The following TOX2 variants were observed in gnomAD, a reference collection of about 807,000 sequenced individuals.
The protein encoded by TOX2 is granulosa cell HMG box 1.
A neutral mutation model predicts 47.4 loss-of-function variants in TOX2; 15 were observed. The ratio of observed to expected loss-of-function variants is 0.32; its 90% CI spans 0.21 to 0.49. The LOEUF is 0.49. Among genes scored for constraint, TOX2 ranks in the 20% least tolerant of loss-of-function variants. The probability of loss-of-function intolerance (pLI) is 0.99; values close to 1 mark genes in which losing one functional copy is unlikely to be tolerated. For synonymous variants in TOX2, 290 were observed against 296.6 expected, an observed-to-expected ratio of 0.98 and a Z score of 0.23; for missense variants, 622 against 673.1, an observed-to-expected ratio of 0.92 and a Z score of 0.84.
At position 43,981,295 on chromosome 20, in the gene TOX2, T is replaced by C. The variant is rs530564287; in HGVS notation, c.165+7863T>C. Among the ~76,000 whole-genome samples the C allele has an allele frequency of 1.4e-4, 22 of 152,346 alleles. No individual in the cohort carries two copies. The South Asian group carries it at 4.6e-3, about 32-fold the overall frequency. On this transcript the variant is annotated intron_variant, in intron 2 of 8. Coordinates refer to ENST00000341197, the MANE Select transcript of TOX2 (RefSeq NM_001098797.2). ...CCAGCAATTCGTTTTTTTGGAAATA[T>C]GCCCTACAGATATATTTGTACATAT...
intron 1 of TOX2, among the ~76,000 whole-genome samples, chr20:43,951,114 C>T (rs1367554850): frequency 6.6e-6 from 1 of 152,070 alleles, no homozygotes; most frequent in African/African-American, 2.4e-5. Flanking sequence ...CTGTCTGGGG[C>T]CAGAGAAGGG....
At chr20:44,027,558 A>C (rs925169995) in intron 3 of TOX2, among the ~76,000 whole-genome samples, 4 of 152,228 alleles carry the variant, frequency 2.6e-5, no homozygotes, top group African/African-American at 9.6e-5. Flanking sequence ...GGGGGCAGCC[A>C]GTGGGAACTT....
At chr20:43,969,706 C>T (rs2069928865) in intron 1 of TOX2, among the ~76,000 whole-genome samples, 1 of 152,232 alleles carries the variant, frequency 6.6e-6, no homozygotes, top group Non-Finnish European at 1.5e-5. Flanking sequence ...GTTCTGAGCC[C>T]AGCAGGCTCC....
At chr20:44,013,501 C>T (rs1157924712) in intron 3 of TOX2, among the ~76,000 whole-genome samples, 1 of 152,230 alleles carries the variant, frequency 6.6e-6, no homozygotes, top group African/African-American at 2.4e-5. Context: ...CAGTAGGGAC[C>T]CCCTAGTCCA....
chr20:44,042,951 G>A (rs948813045), intron 3 of TOX2, among the ~76,000 whole-genome samples: 1 of 152,172 alleles, frequency 6.6e-6, no homozygotes, highest in East Asian at 1.9e-4. Flanking sequence ...AGAAGTCAGG[G>A]TTTCTGTTCA....
rs185212279 is a variant in TOX2 at position 43,966,488 on chromosome 20, T to A, written c.100-6879T>A. Among the ~76,000 whole-genome samples, 6 of 152,236 alleles carry A rather than the reference T, an allele frequency of 3.9e-5. No individual in the cohort carries two copies. In the East Asian group the frequency reaches 1.2e-3, roughly 29 times the overall value. On this transcript the variant is annotated intron_variant, in intron 1 of 8. Transcript: ENST00000341197. ...GAGTGGGGGCACTTGCTGGGTGTGGTGGCTCATGCCTGTAATCCCAGCACT... is the reference window on the plus strand; with the variant it reads ...GAGTGGGGGCACTTGCTGGGTGTGGAGGCTCATGCCTGTAATCCCAGCACT...
At position 44,006,741 on chromosome 20, in the gene TOX2, G is replaced by A; in HGVS notation, c.360G>A (p.Val120=). ...CCATGGACCTCCCAGCCATCATGGT[G>A]TCCAACATGCTAGCACAGGACAGCC... ...YQAMDLPAIM[V]SNMLAQDSHL... The change falls in exon 3 of 9, where the codon GTG becomes GTA. Residue 120 remains valine, a synonymous_variant. Transcript: ENST00000341197. 1 of 1,614,058 alleles carries A rather than the reference G, an allele frequency of 6.2e-7. No individual in the cohort carries two copies. Among genetic ancestry groups the A allele is most frequent in the Admixed American group, 1.7e-5 (1 of 60,024 alleles).
chr20:44,068,717 T>C lies in TOX2; in HGVS notation c.*31T>C. 6.2e-7 allele frequency: 1 copy of C among 1,613,772 alleles called. No individual in the cohort carries two copies. The highest frequency in any genetic ancestry group is 1.3e-5 in the African/African-American group (1 of 75,006). On this transcript the variant is annotated 3_prime_UTR_variant, in exon 9 of 9. Transcript: ENST00000341197. ...CCTCCCTACCATCCCTGAGGCTCGCTGGAAGGCACTGCTCAGAGCCTGAAG... is the reference window on the plus strand; with the variant it reads ...CCTCCCTACCATCCCTGAGGCTCGCCGGAAGGCACTGCTCAGAGCCTGAAG...
chr20:44,051,730 C>T (rs1366166495), intron 4 of TOX2, among the ~76,000 whole-genome samples, 185 bp downstream of exon 4: 2 of 152,202 alleles, frequency 1.3e-5, no homozygotes, highest in East Asian at 3.9e-4. Context: ...CGCCACAGAG[C>T]TCAGTGGTTT....
chr20:44,027,939 C>T (rs1187205437), intron 3 of TOX2, among the ~76,000 whole-genome samples: 2 of 152,162 alleles, frequency 1.3e-5, no homozygotes, highest in East Asian at 1.9e-4. Flanking sequence ...CCACCTGGCT[C>T]ATTCCTCAAC....
intron 1 of TOX2, among the ~76,000 whole-genome samples, chr20:43,961,399 T>C (rs1476698766): frequency 1.3e-5 from 2 of 152,120 alleles, no homozygotes; most frequent in East Asian, 3.9e-4. Context: ...CAAGTGAATG[T>C]TGTGGCCAAG....
chr20:43,983,845 G>A (rs2145515377), intron 2 of TOX2, among the ~76,000 whole-genome samples: 1 of 152,282 alleles, frequency 6.6e-6, no homozygotes, highest in East Asian at 1.9e-4. Flanking sequence ...TTACAGAGGA[G>A]GAAACTGCAG....
intron 5 of TOX2, among the ~76,000 whole-genome samples, chr20:44,063,098 CA>C (rs1400198889): frequency 6.6e-6 from 1 of 152,062 alleles, no homozygotes; most frequent in Non-Finnish European, 1.5e-5. Flanking sequence ...ACTTCATGAC[CA>C]AGAACCCAAA....
chr20:44,030,462 C>T (rs1399999151), intron 3 of TOX2, among the ~76,000 whole-genome samples: 1 of 152,224 alleles, frequency 6.6e-6, no homozygotes, highest in East Asian at 1.9e-4. Flanking sequence ...ATGTCTTCCC[C>T]TGGCATTCAA....
At chr20:43,977,777 G>C (rs1241719327) in intron 2 of TOX2, among the ~76,000 whole-genome samples, 3 of 152,198 alleles carry the variant, frequency 2.0e-5, no homozygotes, top group Non-Finnish European at 4.4e-5. Context: ...CCCATCAGCA[G>C]CTCCAGGGGG....
At chr20:43,994,301 CA>C (rs59613580) in intron 2 of TOX2, among the ~76,000 whole-genome samples, 61,425 of 151,138 alleles carry the variant, frequency 0.41, 12,709 homozygotes, top group South Asian at 0.49. Flanking sequence ...CCCATCTCTA[CA>C]AAAAAAATTA....
At chr20:43,974,399 G>A (rs2070035666) in intron 2 of TOX2, among the ~76,000 whole-genome samples, 1 of 152,232 alleles carries the variant, frequency 6.6e-6, no homozygotes, top group Non-Finnish European at 1.5e-5. Context: ...TGTGATACCA[G>A]GAAGTATTCT....
intron 3 of TOX2, among the ~76,000 whole-genome samples, chr20:44,012,056 GTTTAA>G (rs1424314809): frequency 9.9e-5 from 15 of 152,182 alleles, no homozygotes; most frequent in Non-Finnish European, 2.1e-4. Flanking sequence ...TATTTTGCCG[GTTTAA>G]TTTAAAGTGC....
chr20:43,961,302 C>T (rs1368406075), intron 1 of TOX2, among the ~76,000 whole-genome samples: 1 of 151,912 alleles, frequency 6.6e-6, no homozygotes, highest in Non-Finnish European at 1.5e-5. Context: ...GTGATCTGGG[C>T]AGGGGGCTTG....
Sources: gnomAD v4.1 joint callset for allele counts (sites outside exome capture counted in the v4.1 genomes callset) on GRCh38, gnomAD v4.1.1 for gene constraint, MANE v1.5 for transcripts, NCBI Gene and HGNC (gene_info 2026-07-23, HGNC 2026-07-21) for gene names.